Variants in PPIH observed in about 807,000 individuals in gnomAD.
PPIH encodes peptidylprolyl isomerase H.
A neutral mutation model predicts 27.6 loss-of-function variants in PPIH; 16 were observed. The observed-to-expected ratio is 0.58, with a 90% CI of 0.39 to 0.88. The LOEUF (loss-of-function observed/expected upper bound fraction) is 0.88. Among genes scored for constraint, PPIH ranks in the 40% least tolerant of loss-of-function variants. The pLI is 0.00. For missense variants in PPIH, 155 were observed against 224.1 expected (o/e 0.69, Z 1.97); for synonymous variants, 63 against 76.1 (o/e 0.83, Z 0.90).
intron 9 of PPIH, among the ~76,000 whole-genome samples, chr1:42,675,810 CAAGG>C (rs961025805): frequency 1.3e-5 from 2 of 152,130 alleles, no homozygotes; most frequent in African/African-American, 4.8e-5. Flanking sequence ...CCGAAACCTG[CAAGG>C]AAGAAGGATT....
At chr1:42,660,022 C>G (rs147631236) in intron 4 of PPIH, among the ~76,000 whole-genome samples, 1 of 152,236 alleles carries the variant, frequency 6.6e-6, no homozygotes, top group African/African-American at 2.4e-5. Flanking sequence ...ACAATGTTAG[C>G]ACATAATTAT....
chr1:42,658,928 C>A lies in PPIH; in HGVS notation c.131+20C>A. 4 of 1,612,008 alleles carry A rather than the reference C, an allele frequency of 2.5e-6. No individual in the cohort carries two copies. The highest frequency in any genetic ancestry group is 3.4e-6 in the Non-Finnish European group (4 of 1,178,036). ...CTTTAGGTAAGGACGTGCTCCAGCTCCGCTGGATTAGCTGAGGCAGAAGTC... is the reference window on the plus strand; with the variant it reads ...CTTTAGGTAAGGACGTGCTCCAGCTACGCTGGATTAGCTGAGGCAGAAGTC... On this transcript the variant is annotated intron_variant, in intron 2 of 9. Transcript: ENST00000304979.
At chr1:42,674,346 G>T (rs1649785736) in intron 9 of PPIH, among the ~76,000 whole-genome samples, 1 of 152,240 alleles carries the variant, frequency 6.6e-6, no homozygotes, top group South Asian at 2.1e-4. Context: ...GCAGGAAACA[G>T]CAGGAAGTGT....
At chr1:42,663,948 A>G (rs114022214) in intron 5 of PPIH, among the ~76,000 whole-genome samples, 140 of 152,258 alleles carry the variant, frequency 9.2e-4, no homozygotes, top group African/African-American at 3.1e-3. Context: ...CAGGGATTCT[A>G]TTTAAGGCAC....
intron 1 of PPIH, 66 bp downstream of exon 1, chr1:42,658,578 C>T: frequency 6.5e-7 from 1 of 1,533,324 alleles, no homozygotes; most frequent in Non-Finnish European, 9.0e-7. Context: ...GCAGGCAGAA[C>T]TCACCCAGAG....
chr1:42,667,390 G>A lies in PPIH; in HGVS notation c.505G>A (p.Val169Met). The A allele has an allele frequency of 6.2e-7, 1 of 1,609,420 alleles. No individual in the cohort carries two copies. The highest frequency in any genetic ancestry group is 1.1e-5 in the South Asian group (1 of 90,982). Residue 169 changes from valine (V) to methionine (M), a missense_variant, in exon 9 of 10, where the codon GTG (valine) becomes ATG (methionine). By Grantham distance (21) the Val-to-Met change is conservative. This residue lies in a region of PPIH where 96 missense variants were observed against 175.3 expected (regional missense o/e 0.55). Coordinates refer to ENST00000304979, the MANE Select transcript of PPIH (RefSeq NM_006347.4). ...CCCCAACAATAAGCCCAAGCTACCT[G>A]TGGTGATCTCGCAGTGTGGGGAGAT... ...TGPNNKPKLPVVISQCGEM is the reference protein window; with the variant it reads ...TGPNNKPKLPMVISQCGEM
At chr1:42,675,760 A>G (rs1411097817) in intron 9 of PPIH, among the ~76,000 whole-genome samples, 1 of 152,130 alleles carries the variant, frequency 6.6e-6, no homozygotes, top group Non-Finnish European at 1.5e-5. Context: ...CAAGGCCATA[A>G]ACCCAGAGTG....
chr1:42,672,230 T>G (rs1649676668), intron 9 of PPIH, among the ~76,000 whole-genome samples: 1 of 152,124 alleles, frequency 6.6e-6, no homozygotes, highest in Admixed American at 6.5e-5. Context: ...TCCAGGAGAT[T>G]TGTTATAAAA....
At chr1:42,668,509 C>T (rs922223193) in intron 9 of PPIH, among the ~76,000 whole-genome samples, 2 of 152,104 alleles carry the variant, frequency 1.3e-5, no homozygotes, top group African/African-American at 4.8e-5. Flanking sequence ...ATAAGAACAT[C>T]CTACGTAACC....
chr1:42,676,229 G>T (rs1649874985), intron 9 of PPIH, among the ~76,000 whole-genome samples: 1 of 152,096 alleles, frequency 6.6e-6, no homozygotes, highest in Admixed American at 6.5e-5. Context: ...CAGCACTTTG[G>T]GAGGCTGAGG....
At chr1:42,665,924 C>T in intron 6 of PPIH, 56 bp from the exon 7 acceptor site, 1 of 1,418,030 alleles carries the variant, frequency 7.1e-7, no homozygotes, top group Non-Finnish European at 1.0e-6. Flanking sequence ...GGAAATCTTG[C>T]CCTTCAGCTA....
In PPIH at chr1:42,666,628, G is replaced by A. The variant is rs778948576; in HGVS notation, c.465+41G>A. On this transcript the variant is annotated intron_variant, in intron 8 of 9. Transcript: ENST00000304979. ...ATTTTTCTGTTTCTCTGCCATTGTG[G>A]TCTGGTACTGTCTGACTAGCGTGCA... The A allele has an allele frequency of 3.2e-5, 50 of 1,586,568 alleles. 1 individual carries two copies. The Admixed American group carries it at 6.3e-4, about 20-fold the overall frequency.
At chr1:42,681,441 A>G (rs552319407), downstream of PPIH, 1 of 152,250 alleles carries the variant, frequency 6.6e-6, no homozygotes, top group East Asian at 1.9e-4. Context: ...GAAGGCAGAA[A>G]CTGACTCGCG....
At chr1:42,671,076 G>A (rs904049699) in intron 9 of PPIH, among the ~76,000 whole-genome samples, 4 of 152,242 alleles carry the variant, frequency 2.6e-5, no homozygotes, top group Admixed American at 6.5e-5. Context: ...GATTATAGGC[G>A]TGAGCAAACA....
chr1:42,675,887 G>A (rs1192265878), intron 9 of PPIH, among the ~76,000 whole-genome samples: 1 of 152,126 alleles, frequency 6.6e-6, no homozygotes, highest in African/African-American at 2.4e-5. Flanking sequence ...AAAGGCTTTG[G>A]AGCCAAGTAG....
intron 2 of PPIH, 135 bp from the exon 3 acceptor site, chr1:42,659,093 G>A (rs896445212): frequency 2.7e-5 from 39 of 1,430,390 alleles, no homozygotes; most frequent in South Asian, 2.4e-4. Flanking sequence ...GTTAGTCTGT[G>A]TGACTGCGTG....
At chr1:42,675,552 C>T (rs1478808095) in intron 9 of PPIH, among the ~76,000 whole-genome samples, 1 of 152,220 alleles carries the variant, frequency 6.6e-6, no homozygotes, top group African/African-American at 2.4e-5. Flanking sequence ...CACCATGCAG[C>T]TTACAAAGTA....
downstream of PPIH, among the ~76,000 whole-genome samples, chr1:42,680,192 G>GT (rs1384210963): frequency 1.3e-5 from 2 of 152,128 alleles, no homozygotes; most frequent in Admixed American, 6.5e-5. Flanking sequence ...TACTCCAAAC[G>GT]TAACAGTGGC....
chr1:42,671,185 T>C (rs961359768), intron 9 of PPIH, among the ~76,000 whole-genome samples: 64 of 152,222 alleles, frequency 4.2e-4, no homozygotes, highest in African/African-American at 1.5e-3. Context: ...TCCCAGCACT[T>C]TGGGAGGCCG....
Sources: gnomAD v4.1 joint callset for allele counts (sites outside exome capture counted in the v4.1 genomes callset) on GRCh38, gnomAD v4.1.1 for gene constraint, gnomAD v4.1.1 regional missense constraint, MANE v1.5 for transcripts, NCBI Gene and HGNC (gene_info 2026-07-23, HGNC 2026-07-21) for gene names.